TSHR: variants seen among roughly 807,000 people sequenced by gnomAD.
TSHR encodes thyroid stimulating hormone receptor.
In TSHR, 51 loss-of-function variants were observed where a neutral mutation model predicts 64.1. That is an observed-to-expected ratio of 0.80 (90% CI 0.64 to 1.01). The LOEUF (loss-of-function observed/expected upper bound fraction) is 1.01. Ranked by LOEUF, TSHR falls within the 50% of genes least tolerant of loss-of-function variation. The pLI, the probability that TSHR is intolerant of heterozygous loss-of-function variation, is 0.00. For synonymous variants in TSHR, 361 were observed against 361.9 expected (o/e 1.00, Z 0.03); for missense variants, 877 against 942.8 (o/e 0.93, Z 0.91).
chr14:80,999,948 T>TTTTTTTTTA, intron 1 of TSHR, among the ~76,000 whole-genome samples: 1 of 150,982 alleles, frequency 6.6e-6, no homozygotes, highest in Non-Finnish European at 1.5e-5. Context: ...TTTTTTTTTT[T>TTTTTTTTTA]TGAGACAGAC....
Position 81,123,793 on chromosome 14 carries a change from A to G in TSHR, c.692+15341A>G, listed in dbSNP as rs144801375. 6.0e-3 allele frequency among the ~76,000 whole-genome samples: 917 copies of G among 152,352 alleles called. 5 individuals carry two copies. The highest frequency in any genetic ancestry group is 0.01 in the Non-Finnish European group (695 of 68,014). ...TATCCAATATTTGCTGTTTTTCAAA[A>G]AGACTTATAAATTTAGTTTGGAAGT... On this transcript the variant is annotated intron_variant, in intron 8 of 9. Coordinates refer to ENST00000298171, the MANE Select transcript of TSHR (RefSeq NM_000369.5).
rs369594427 is a variant in TSHR at position 81,105,841 on chromosome 14, T to C, written c.615-2534T>C. ...TCAACAGCCTGGGAACAGAATGTGA[T>C]CTGCAAGCTGCATTGTCCAGAGAAT... On this transcript the variant is annotated intron_variant, in intron 7 of 9. Coordinates refer to ENST00000298171, the MANE Select transcript of TSHR (RefSeq NM_000369.5). Among the ~76,000 whole-genome samples the C allele has an allele frequency of 1.3e-3, 192 of 152,338 alleles. 1 individual carries two copies. The highest frequency in any genetic ancestry group is 4.5e-3 in the African/African-American group (188 of 41,576).
chr14:81,126,335 A>G (rs1310915859), intron 8 of TSHR, among the ~76,000 whole-genome samples: 1 of 152,180 alleles, frequency 6.6e-6, no homozygotes, highest in Non-Finnish European at 1.5e-5. Flanking sequence ...ATCATCCCCG[A>G]AAGATTTTTA....
chr14:81,145,367 T>A lies in TSHR; in HGVS notation c.*1014T>A, dbSNP rs758892050. Reference sequence around the variant, plus strand: ...TGTAGGGCTGCTGACTCCTAGTCCTTGAAGCCTAGACACATGACCCAGGAA... The same window carrying A: ...TGTAGGGCTGCTGACTCCTAGTCCTAGAAGCCTAGACACATGACCCAGGAA... On this transcript the variant is annotated 3_prime_UTR_variant, in exon 10 of 10. Coordinates refer to ENST00000298171, the MANE Select transcript of TSHR (RefSeq NM_000369.5). 1.3e-5 allele frequency: 3 copies of A among 233,068 alleles called. No individual in the cohort carries two copies. Among genetic ancestry groups the A allele is most frequent in the Admixed American group, 5.6e-5 (1 of 17,786 alleles). The allele number at this position is 233,068 out of a possible 1,614,324, so 14.4% of individuals were successfully genotyped here.
chr14:81,053,555 A>C (rs143549609), intron 1 of TSHR: 133 of 152,306 alleles, frequency 8.7e-4, no homozygotes, highest in African/African-American at 3.2e-3. Flanking sequence ...AAGTTAAAAC[A>C]CTGATAACAC....
intron 1 of TSHR, chr14:80,982,430 C>T: frequency 4.1e-6 from 5 of 1,232,394 alleles, no homozygotes; most frequent in Non-Finnish European, 5.5e-6. Flanking sequence ...CAGGTCTGTG[C>T]TGAGGAGTTG....
Position 81,129,120 on chromosome 14 carries a change from G to T in TSHR, c.693-10559G>T, listed in dbSNP as rs1275159497. Among the ~76,000 whole-genome samples, 3 of 152,014 alleles carry T rather than the reference G, an allele frequency of 2.0e-5. No individual in the cohort carries two copies. In the East Asian group the frequency reaches 5.8e-4, roughly 29 times the overall value. ...CCTCCGAGCTCCACTCCCCCAATAA[G>T]CCTGCCCTTCATTGTACTTCCAGGC... On this transcript the variant is annotated intron_variant, in intron 8 of 9. Transcript: ENST00000298171.
intron 1 of TSHR, among the ~76,000 whole-genome samples, chr14:81,020,385 TTTA>T (rs1157671741): frequency 6.6e-6 from 1 of 152,150 alleles, no homozygotes; most frequent in African/African-American, 2.4e-5. Context: ...TCATCTGTAT[TTTA>T]CAGCTGCTCC....
At chr14:81,024,455 G>T (rs563881699) in intron 1 of TSHR, among the ~76,000 whole-genome samples, 4 of 152,050 alleles carry the variant, frequency 2.6e-5, no homozygotes, top group Admixed American at 6.6e-5. Flanking sequence ...CACCATTTTG[G>T]CCAGGATGGT....
At chr14:81,026,993 G>A (rs967103050) in intron 1 of TSHR, among the ~76,000 whole-genome samples, 22 of 146,876 alleles carry the variant, frequency 1.5e-4, no homozygotes, top group Non-Finnish European at 2.8e-4. Context: ...CCAAGATCAC[G>A]CCACTGCACT....
intron 7 of TSHR, among the ~76,000 whole-genome samples, chr14:81,106,742 C>T (rs948857939): frequency 2.0e-5 from 3 of 151,976 alleles, no homozygotes; most frequent in South Asian, 2.1e-4. Context: ...GTCAGGAGCT[C>T]GAAACCAGCC....
chr14:81,016,597 C>T (rs1372794196), intron 1 of TSHR, among the ~76,000 whole-genome samples: 1 of 152,156 alleles, frequency 6.6e-6, no homozygotes, highest in African/African-American at 2.4e-5. Context: ...GTTTCCCTTG[C>T]TATGCAGAAG....
chr14:80,989,358 T>G (rs538511713), intron 1 of TSHR, among the ~76,000 whole-genome samples: 1 of 152,284 alleles, frequency 6.6e-6, no homozygotes, highest in African/African-American at 2.4e-5. Flanking sequence ...TAGTAGGTGT[T>G]CCATGGATAT....
At chr14:80,962,026 A>G (rs1887059229) in intron 1 of TSHR, among the ~76,000 whole-genome samples, 1 of 152,148 alleles carries the variant, frequency 6.6e-6, no homozygotes, top group African/African-American at 2.4e-5. Context: ...CTGGAGTGAG[A>G]TCCTCCGGGT....
chr14:81,124,256 A>G (rs1043420417), intron 8 of TSHR, among the ~76,000 whole-genome samples: 2 of 151,818 alleles, frequency 1.3e-5, no homozygotes, highest in South Asian at 2.1e-4. Flanking sequence ...TCTTCACAAG[A>G]TAATACTATT....
chr14:81,143,996 A>T lies in TSHR; in HGVS notation c.1938A>T (p.Ser646=). 5 of 1,614,204 alleles carry T rather than the reference A, an allele frequency of 3.1e-6. No homozygotes were observed. Among genetic ancestry groups the T allele is most frequent in the Non-Finnish European group, 4.2e-6 (5 of 1,180,040 alleles). The change falls in exon 10 of 10, where the codon TCA becomes TCT. Residue 646 remains serine, a synonymous_variant. Coordinates refer to ENST00000298171, the MANE Select transcript of TSHR (RefSeq NM_000369.5). ...CCCCAATCTCATTCTATGCTCTGTC[A>T]GCAATTCTGAACAAGCCTCTCATCA... The part of the protein sequence containing the change: ...CMAPISFYAL[S]AILNKPLITV...
At chr14:81,042,956 C>T (rs902955537) in intron 1 of TSHR, among the ~76,000 whole-genome samples, 2 of 151,760 alleles carry the variant, frequency 1.3e-5, no homozygotes, top group South Asian at 4.2e-4. Flanking sequence ...ACATAAGAGC[C>T]GTATATAAAA....
chr14:81,020,080 T>G (rs566925660), intron 1 of TSHR, among the ~76,000 whole-genome samples: 47 of 152,182 alleles, frequency 3.1e-4, no homozygotes, highest in African/African-American at 1.1e-3. Flanking sequence ...CTACCAACAG[T>G]GTAAAACAAA....
chr14:81,083,674 A>G (rs1888072009), intron 3 of TSHR, among the ~76,000 whole-genome samples: 1 of 152,144 alleles, frequency 6.6e-6, no homozygotes, highest in African/African-American at 2.4e-5. Flanking sequence ...ACCCTCCCTC[A>G]GGTGAAAAAA....
Sources: gnomAD v4.1 joint callset for allele counts (sites outside exome capture counted in the v4.1 genomes callset) on GRCh38, gnomAD v4.1.1 for gene constraint, MANE v1.5 for transcripts, NCBI Gene and HGNC (gene_info 2026-07-23, HGNC 2026-07-21) for gene names.